MALRD1: variants seen among roughly 807,000 people sequenced by gnomAD.
MALRD1 encodes MAM and LDL-receptor class A domain-containing protein 1.
A neutral mutation model predicts 242.1 loss-of-function variants in MALRD1; 247 were observed. The ratio of observed to expected loss-of-function variants is 1.02; its 90% CI spans 0.92 to 1.13. The LOEUF (loss-of-function observed/expected upper bound fraction) is 1.13. MALRD1 is among the 50% of genes most tolerant of loss of function. The pLI, the probability that MALRD1 is intolerant of heterozygous loss-of-function variation, is 0.00. For missense variants in MALRD1, 2,989 were observed against 2,533.1 expected (o/e 1.18, Z -3.86); for synonymous variants, 995 against 866.6 (o/e 1.15, Z -2.60).
chr10:19,532,005 T>A (rs2131351281), intron 32 of MALRD1, among the ~76,000 whole-genome samples: 1 of 152,292 alleles, frequency 6.6e-6, no homozygotes, highest in Admixed American at 6.5e-5. Context: ...TTTGAATAAA[T>A]ACAATTGGGA....
chr10:19,289,091 G>T (rs1471992634), intron 21 of MALRD1, among the ~76,000 whole-genome samples: 1 of 149,734 alleles, frequency 6.7e-6, no homozygotes, highest in African/African-American at 2.5e-5. Flanking sequence ...TTTTTTCCTT[G>T]GGCTGCTTCT....
intron 12 of MALRD1, among the ~76,000 whole-genome samples, chr10:19,156,302 T>C (rs1230927183): frequency 6.6e-6 from 1 of 151,444 alleles, no homozygotes; most frequent in East Asian, 1.9e-4. Context: ...TCCTTTCTTT[T>C]GTTTTTTTTT....
intron 2 of MALRD1, among the ~76,000 whole-genome samples, chr10:19,077,643 C>T (rs2131271165): frequency 6.6e-6 from 1 of 151,962 alleles, no homozygotes; most frequent in South Asian, 2.1e-4. Context: ...ACAGTAGACT[C>T]TAAATCTACT....
intron 25 of MALRD1, among the ~76,000 whole-genome samples, chr10:19,348,726 A>G (rs1844238003): frequency 6.6e-6 from 1 of 152,026 alleles, no homozygotes; most frequent in African/African-American, 2.4e-5. Flanking sequence ...TATATTCCAT[A>G]AAAGACTTGA....
intron 28 of MALRD1, among the ~76,000 whole-genome samples, chr10:19,391,850 G>T (rs61850944): frequency 0.089 from 13,598 of 152,232 alleles, 808 homozygotes; most frequent in East Asian, 0.17. Flanking sequence ...GTCACTCTCA[G>T]ATCTTCAGAA....
intron 36 of MALRD1, among the ~76,000 whole-genome samples, chr10:19,654,203 C>T (rs1020836854): frequency 6.6e-6 from 1 of 150,710 alleles, no homozygotes; most frequent in African/African-American, 2.4e-5. Context: ...CTAGCATCCT[C>T]CATCCAGTGG....
chr10:19,543,176 C>G (rs994160891), intron 32 of MALRD1, among the ~76,000 whole-genome samples: 2 of 152,200 alleles, frequency 1.3e-5, no homozygotes. Context: ...CCTTGCCTTC[C>G]CAGGCTCAAG....
At chr10:19,423,639 G>A (rs1048628463) in intron 28 of MALRD1, among the ~76,000 whole-genome samples, 1 of 152,082 alleles carries the variant, frequency 6.6e-6, no homozygotes, top group African/African-American at 2.4e-5. Flanking sequence ...CATCATGTAT[G>A]TCAAATGATG....
intron 34 of MALRD1, among the ~76,000 whole-genome samples, chr10:19,603,489 A>G (rs955796356): frequency 5.8e-4 from 89 of 152,262 alleles, no homozygotes; most frequent in African/African-American, 2.0e-3. Flanking sequence ...GGTTTGTCAA[A>G]GATCAGATGG....
chr10:19,415,603 T>A (rs1006567815), intron 28 of MALRD1, among the ~76,000 whole-genome samples: 10 of 152,290 alleles, frequency 6.6e-5, no homozygotes, highest in Admixed American at 3.9e-4. Context: ...AATTATCAGA[T>A]TATTTTAAAG....
At chr10:19,207,994 T>G (rs1217419674) in intron 17 of MALRD1, among the ~76,000 whole-genome samples, 2 of 152,184 alleles carry the variant, frequency 1.3e-5, no homozygotes, top group Non-Finnish European at 2.9e-5. Flanking sequence ...TAGCTACTAT[T>G]TGTGATGGTA....
chr10:19,470,593 C>T (rs1041020567), intron 29 of MALRD1, among the ~76,000 whole-genome samples: 1 of 151,670 alleles, frequency 6.6e-6, no homozygotes, highest in Non-Finnish European at 1.5e-5. Context: ...CCACATTCTC[C>T]CCTTTTATTT....
intron 36 of MALRD1, among the ~76,000 whole-genome samples, chr10:19,687,923 GTTATGTTATGTT>G (rs1564542018): frequency 2.1e-5 from 1 of 46,512 alleles, no homozygotes; most frequent in Non-Finnish European, 4.5e-5. Context: ...GTTATGTTAT[GTTATGTTATGTT>G]ATGTTATGTT....
At chr10:19,182,016 G>A (rs1478194788) in intron 14 of MALRD1, among the ~76,000 whole-genome samples, 1 of 151,904 alleles carries the variant, frequency 6.6e-6, no homozygotes, top group Admixed American at 6.6e-5. Context: ...TAAGTCCTCA[G>A]CAGCAATTTT....
At chr10:19,461,607 G>A (rs1478950029) in intron 29 of MALRD1, among the ~76,000 whole-genome samples, 1 of 152,096 alleles carries the variant, frequency 6.6e-6, no homozygotes, top group African/African-American at 2.4e-5. Context: ...TACACTGTGG[G>A]GGGAGGCTGA....
At chr10:19,620,419 A>C (rs958588923) in intron 36 of MALRD1, among the ~76,000 whole-genome samples, 1 of 151,998 alleles carries the variant, frequency 6.6e-6, no homozygotes, top group African/African-American at 2.4e-5. Context: ...ACCGTTAAAA[A>C]CTTTTAGGTA....
intron 36 of MALRD1, among the ~76,000 whole-genome samples, 156 bp downstream of exon 36, chr10:19,616,079 G>A (rs1262453243): frequency 2.0e-5 from 3 of 151,846 alleles, no homozygotes; most frequent in African/African-American, 4.8e-5. Flanking sequence ...TCTGAATAAG[G>A]TAAAGGAATA....
At chr10:19,285,408 C>A (rs1841059585) in intron 21 of MALRD1, among the ~76,000 whole-genome samples, 1 of 149,010 alleles carries the variant, frequency 6.7e-6, no homozygotes, top group African/African-American at 2.5e-5. Flanking sequence ...AATCTTTAAT[C>A]CATCTTGAAT....
intron 24 of MALRD1, among the ~76,000 whole-genome samples, chr10:19,332,964 G>T (rs1407583181): frequency 2.0e-5 from 3 of 152,062 alleles, no homozygotes; most frequent in Non-Finnish European, 4.4e-5. Context: ...ATGGTTGTTT[G>T]CTGCACCCAT....
Sources: gnomAD v4.1 joint callset for allele counts (sites outside exome capture counted in the v4.1 genomes callset) on GRCh38, gnomAD v4.1.1 for gene constraint, MANE v1.5 for transcripts, NCBI Gene and HGNC (gene_info 2026-07-23, HGNC 2026-07-21) for gene names.